Variants in RYR1 observed in about 807,000 individuals in gnomAD.
The protein encoded by RYR1 is central core disease of muscle.
RYR1 carries 342 observed loss-of-function variants against 583.5 expected under a neutral mutation model. The ratio of observed to expected loss-of-function variants is 0.59; its 90% CI spans 0.54 to 0.64. The LOEUF is 0.64. RYR1 is among the 30% of genes least tolerant of loss of function. The probability of loss-of-function intolerance (pLI) is 0.00; values close to 1 mark genes in which losing one functional copy is unlikely to be tolerated. For missense variants in RYR1, 6,032 were observed against 6,917.2 expected (o/e 0.87, Z 4.54); for synonymous variants, 2,791 against 2,822.5 (o/e 0.99, Z 0.35).
chr19:38,487,854 G>A (rs1198209937), intron 34 of RYR1, among the ~76,000 whole-genome samples: 1 of 152,128 alleles, frequency 6.6e-6, no homozygotes, highest in Non-Finnish European at 1.5e-5. Flanking sequence ...AGCTGGTCTT[G>A]AACTCCTGGG....
chr19:38,492,469 C>G (rs531743144), intron 37 of RYR1, 21 bp from the exon 38 acceptor site: 2 of 1,613,750 alleles, frequency 1.2e-6, no homozygotes, highest in Non-Finnish European at 1.7e-6. Context: ...TGACATTTCC[C>G]GCCTTCTTGA....
At position 38,475,450 on chromosome 19, in the gene RYR1, G is replaced by A. The variant is rs727504130; in HGVS notation, c.4293G>A (p.Thr1431=). The stretch of plus-strand genomic sequence containing the variant: ...CCGAGATCATCCTCAACACCACCAC[G>A]GTGTGGACCAGTAACCCTCAATTTT... ...DDPEIILNTT[T]YYYSVRVFAG... is the part of the protein sequence containing the mutation. The change falls in exon 29 of 106, where the codon ACG becomes ACA. Residue 1431 remains threonine (T), a splice_region_variant and synonymous_variant. Transcript: ENST00000359596. The A allele has an allele frequency of 3.7e-6, 6 of 1,613,328 alleles. No individual in the cohort carries two copies. Among genetic ancestry groups the A allele is most frequent in the African/African-American group, 1.3e-5 (1 of 74,980 alleles).
intron 104 of RYR1, 137 bp downstream of exon 104, chr19:38,586,328 G>A (rs1974487240): frequency 2.7e-6 from 3 of 1,110,852 alleles, no homozygotes; most frequent in Non-Finnish European, 4.0e-6. Context: ...CCAATCAGAA[G>A]GTAAGGGTGG....
In RYR1 at chr19:38,517,491, C is replaced by T. The variant is rs371744890; in HGVS notation, c.9818C>T (p.Thr3273Met). The change falls in exon 66 of 106, where the codon ACG becomes ATG. Residue 3273 changes from threonine (T) to methionine (M), a missense_variant. Around this residue, in one of 11 missense-constraint regions of RYR1, gnomAD observed 1,493 missense variants for 1,715.5 expected, o/e 0.87. Transcript: ENST00000359596. Reference sequence around the variant, plus strand: ...GAGATGCCGCATGTCATCGAGATCACGCTGCCCATGCTATGCAGCTACCTG... The same window carrying T: ...GAGATGCCGCATGTCATCGAGATCATGCTGCCCATGCTATGCAGCTACCTG... ...YTEMPHVIEI[T>M]LPMLCSYLPR... is the part of the protein sequence containing the mutation. 26 of 1,614,020 alleles carry T rather than the reference C, an allele frequency of 1.6e-5. No homozygotes were observed. Among genetic ancestry groups the T allele is most frequent in the South Asian group, 1.2e-4 (11 of 91,094 alleles).
In RYR1 at chr19:38,500,112, A is replaced by C; in HGVS notation, c.7323+96A>C. The C allele has an allele frequency of 9.2e-7, 1 of 1,085,656 alleles. No homozygotes were observed. Among genetic ancestry groups the C allele is most frequent in the African/African-American group, 1.5e-5 (1 of 64,728 alleles). 67.3% of individuals were successfully genotyped at this position (1,085,656 alleles called of 1,614,324 possible). ...ACTCGGTGACACGGAGTGAGCTCCCATATGTGGGTGGTCCTGGACTAGCAA... is the reference window on the plus strand; with the variant it reads ...ACTCGGTGACACGGAGTGAGCTCCCCTATGTGGGTGGTCCTGGACTAGCAA... On this transcript the variant is annotated intron_variant, in intron 45 of 105. Coordinates refer to ENST00000359596, the MANE Select transcript of RYR1 (RefSeq NM_000540.3). This position sits in a 1 kb window ranked among gnomAD's most constrained non-coding sequence, Gnocchi z 5.9.
intron 81 of RYR1, 49 bp downstream of exon 81, chr19:38,535,441 C>A (rs1971924912): frequency 1.5e-6 from 2 of 1,331,872 alleles, no homozygotes; most frequent in Non-Finnish European, 2.2e-6. Context: ...GGTGCCACTG[C>A]CACCCCACTC....
chr19:38,553,334 C>CA (rs566497167), intron 89 of RYR1, among the ~76,000 whole-genome samples: 7,191 of 80,792 alleles, frequency 0.089, 260 homozygotes, highest in Non-Finnish European at 0.11. Flanking sequence ...GACTCCATAT[C>CA]AAAAAAAAAA....
chr19:38,459,352 C>T lies in RYR1; in HGVS notation c.2360+14C>T. 1.2e-6 allele frequency: 2 copies of T among 1,613,052 alleles called. No individual in the cohort carries two copies. The highest frequency in any genetic ancestry group is 4.5e-5 in the East Asian group (2 of 44,836). ...GGCTGGTGTCAAGTGAGAACTTGCC[C>T]CCACCCCACGGCCAGTCCTCAGACC... is the stretch of plus-strand genomic sequence containing the variant. On this transcript the variant is annotated intron_variant, in intron 19 of 105. Transcript: ENST00000359596.
intron 76 of RYR1, among the ~76,000 whole-genome samples, chr19:38,531,582 C>T (rs1971742622): frequency 1.3e-5 from 2 of 152,000 alleles, no homozygotes. Context: ...TCCATCACTC[C>T]ATTTTAGCAT....
intron 91 of RYR1, 60 bp from the exon 92 acceptor site, chr19:38,566,851 C>T (rs1313746816): frequency 1.9e-6 from 3 of 1,561,748 alleles, no homozygotes; most frequent in Non-Finnish European, 1.7e-6. Flanking sequence ...GAGGAGCAGG[C>T]AGGCAGCCTG....
chr19:38,516,188 ACAC>A lies in RYR1; in HGVS notation c.9662_9664del (p.Thr3221del). The A allele has an allele frequency of 6.3e-7, 1 of 1,576,364 alleles. No homozygotes were observed. Reference sequence around the variant, plus strand: ...AACGAGTACAACGCCTGCTCCGTGTACACCACCAAGTCTCCGCGGGAGCGGGCC... The same window carrying A: ...AACGAGTACAACGCCTGCTCCGTGTACACCAAGTCTCCGCGGGAGCGGGCC... On this transcript the variant is annotated inframe_deletion, in exon 65 of 106. Coordinates refer to ENST00000359596, the MANE Select transcript of RYR1 (RefSeq NM_000540.3).
At chr19:38,559,414 A>G (rs918738352) in intron 89 of RYR1, among the ~76,000 whole-genome samples, 2 of 151,768 alleles carry the variant, frequency 1.3e-5, no homozygotes, top group Non-Finnish European at 2.9e-5. Flanking sequence ...TTGTATTTTT[A>G]GTAGAGACGG....
Position 38,443,679 on chromosome 19 carries a change from G to A in RYR1, c.346-39G>A, listed in dbSNP as rs773755858. On this transcript the variant is annotated intron_variant, in intron 4 of 105. Coordinates refer to ENST00000359596, the MANE Select transcript of RYR1 (RefSeq NM_000540.3). Reference sequence around the variant, plus strand: ...GTGGGCAGGGGCCAGGGCATGTGGGGCCTGCTAGAAGGAGGCTGACCTCCC... The same window carrying A: ...GTGGGCAGGGGCCAGGGCATGTGGGACCTGCTAGAAGGAGGCTGACCTCCC... 3.1e-6 allele frequency: 5 copies of A among 1,613,630 alleles called. No individual in the cohort carries two copies. The African/African-American group carries it at 6.7e-5, about 22-fold the overall frequency.
At position 38,523,925 on chromosome 19, in the gene RYR1, T is replaced by C. The variant is rs757272442; in HGVS notation, c.10451T>C (p.Ile3484Thr). The C allele has an allele frequency of 1.4e-5, 22 of 1,613,756 alleles. No homozygotes were observed. The Admixed American group carries it at 2.7e-4, about 20-fold the overall frequency. Residue 3484 changes from isoleucine to threonine, a missense_variant, in exon 70 of 106, where the codon ATA (isoleucine) becomes ACA (threonine). By Grantham distance (89) the Ile-to-Thr change is moderately conservative (BLOSUM62 -1). Coordinates refer to ENST00000359596, the MANE Select transcript of RYR1 (RefSeq NM_000540.3). ...NKSKMAKAGD[I>T]QSGGSDQERT... ...GGTCCGGTGAAGCAGGCGGGAGATA[T>C]ACAGGTCAGCCCCACATCTGGGACC...
rs770593660 is a variant in RYR1 at position 38,494,381 on chromosome 19, G to T, written c.6304G>T (p.Val2102Leu). 1.6e-5 allele frequency: 25 copies of T among 1,611,738 alleles called. No homozygotes were observed. The highest frequency in any genetic ancestry group is 2.0e-5 in the Non-Finnish European group (24 of 1,179,984). Residue 2102 changes from valine (V) to leucine (L), a missense_variant, in exon 39 of 106, where the codon GTG becomes TTG. By Grantham distance (32) the Val-to-Leu change is conservative. Transcript: ENST00000359596. Reference protein sequence around the residue: ...RSLQELVSHMVVRWAQEDFVQ... With the variant: ...RSLQELVSHMLVRWAQEDFVQ... ...CCTGCAGGAGCTGGTGTCCCACATG[G>T]TGGTGCGCTGGGCCCAAGAGGACTT...
chr19:38,564,914 C>A (rs898635055), intron 90 of RYR1, 45 bp from the exon 91 acceptor site: 2 of 1,545,880 alleles, frequency 1.3e-6, no homozygotes, highest in Non-Finnish European at 8.7e-7. Context: ...GCTGTCCGAG[C>A]CCCCGCTGAC....
rs886041380 is a variant in RYR1 at position 38,496,866 on chromosome 19, A to AG, written c.6806dup (p.Ser2270LeufsTer13). 1.3e-5 allele frequency: 21 copies of AG among 1,613,212 alleles called. No individual in the cohort carries two copies. Among genetic ancestry groups the AG allele is most frequent in the Non-Finnish European group, 1.7e-5 (20 of 1,179,836 alleles). On this transcript the variant is annotated frameshift_variant, in exon 42 of 106. Coordinates refer to ENST00000359596, the MANE Select transcript of RYR1 (RefSeq NM_000540.3). LOFTEE classifies it high-confidence loss of function. The surrounding 1 kb of genome is among the most constrained non-coding windows in gnomAD (Gnocchi z 4.8). ...CCACCTCTCGCCCCTGCAGGCATGCAGGGCTCCACGCCCCTGGACGTGGCT... is the reference window on the plus strand; with the variant it reads ...CCACCTCTCGCCCCTGCAGGCATGCAGGGGCTCCACGCCCCTGGACGTGGCT...
At chr19:38,474,755 G>C (rs1043906371) in intron 28 of RYR1, among the ~76,000 whole-genome samples, 1 of 145,532 alleles carries the variant, frequency 6.9e-6, no homozygotes, top group Non-Finnish European at 1.5e-5. Flanking sequence ...TTGTATTTTT[G>C]GTAGAGACAG....
chr19:38,491,724 T>C, intron 37 of RYR1, among the ~76,000 whole-genome samples: 1 of 152,176 alleles, frequency 6.6e-6, no homozygotes, highest in Admixed American at 6.5e-5. Flanking sequence ...CCACTGCACC[T>C]GGCCCATTTT....
Sources: gnomAD v4.1 joint callset for allele counts (sites outside exome capture counted in the v4.1 genomes callset) on GRCh38, gnomAD v4.1.1 for gene constraint, gnomAD v4.1.1 regional missense constraint, Gnocchi (gnomAD v3.1) non-coding constraint, MANE v1.5 for transcripts, NCBI Gene and HGNC (gene_info 2026-07-23, HGNC 2026-07-21) for gene names.